TTYH3: variants seen among roughly 807,000 people sequenced by gnomAD.
TTYH3 encodes tweety family member 3.
Under a neutral mutation model 68.2 loss-of-function variants are expected in TTYH3, and 23 were observed. That is an observed-to-expected ratio of 0.34 (90% CI 0.24 to 0.48). TTYH3 has a LOEUF of 0.48. TTYH3 is among the 20% of genes least tolerant of loss of function. The pLI, the probability that TTYH3 is intolerant of heterozygous loss-of-function variation, is 0.99. For missense variants in TTYH3, 768 were observed against 727.7 expected (o/e 1.06, Z -0.64); for synonymous variants, 360 against 332.8 (o/e 1.08, Z -0.89).
chr7:2,648,513 AG>A (rs1188529013), intron 5 of TTYH3: 1 of 157,750 alleles, frequency 6.3e-6, no homozygotes, highest in African/African-American at 2.4e-5. Context: ...TGGAAGGCAG[AG>A]AGAGCGGCAG....
In TTYH3 at chr7:2,646,902, T is replaced by A; in HGVS notation, c.173T>A (p.Leu58His). The A allele has an allele frequency of 6.3e-7, 1 of 1,599,246 alleles. No individual in the cohort carries two copies. Among genetic ancestry groups the A allele is most frequent in the Non-Finnish European group, 8.5e-7 (1 of 1,179,360 alleles). Residue 58 changes from leucine to histidine, a missense_variant, in exon 2 of 14, where the codon CTC becomes CAC. Leu to His is a moderately conservative substitution (Grantham distance 99). Transcript: ENST00000258796. ...GCCCTGGCCTGCCTCGCCCTGGACC[T>A]CCTCTTCCTGCTCTTCTACTCCTTC... ...AAALACLALD[L>H]LFLLFYSFWL... is the part of the protein sequence containing the mutation.
intron 5 of TTYH3, chr7:2,648,353 G>A (rs1786059501): frequency 2.9e-6 from 1 of 349,104 alleles, no homozygotes; most frequent in Non-Finnish European, 5.2e-6. Flanking sequence ...CCGAGTGCCT[G>A]GGGCCACCCA....
rs1562712334 is a variant in TTYH3 at position 2,647,101 on chromosome 7, TG to T, written c.294-38del. On this transcript the variant is annotated intron_variant, in intron 2 of 13. Coordinates refer to ENST00000258796, the MANE Select transcript of TTYH3 (RefSeq NM_025250.3). ...GGGCGGGGCTGGAGTGGGGTGTGTG[TG>T]GGTGGGCGGGGCTACATCTCACGGG... is the stretch of plus-strand genomic sequence containing the variant. The T allele has an allele frequency of 2.4e-6, 3 of 1,274,762 alleles. No homozygotes were observed. The South Asian group carries it at 3.8e-5, about 16-fold the overall frequency. The allele number at this position is 1,274,762 out of a possible 1,614,324, so 79.0% of individuals were successfully genotyped here. A position where few individuals can be genotyped will look rare whatever the true frequency, so the allele number is the denominator to read the frequency against.
chr7:2,634,686 G>A (rs1205648261), intron 1 of TTYH3, among the ~76,000 whole-genome samples: 2 of 152,128 alleles, frequency 1.3e-5, no homozygotes, highest in African/African-American at 4.8e-5. Context: ...TGAAACCCCC[G>A]GAGGGACCAG....
At chr7:2,659,690 C>T (rs1353845844) in intron 13 of TTYH3, among the ~76,000 whole-genome samples, 1 of 152,176 alleles carries the variant, frequency 6.6e-6, no homozygotes, top group Non-Finnish European at 1.5e-5. Flanking sequence ...CCGAAGGCTG[C>T]CTTGCTCAGA....
At chr7:2,641,510 CCT>C (rs1246034199) in intron 1 of TTYH3, among the ~76,000 whole-genome samples, 2 of 152,172 alleles carry the variant, frequency 1.3e-5, no homozygotes, top group African/African-American at 4.8e-5. Context: ...GCAGTTGAGT[CCT>C]CTCCGTGTGC....
intron 5 of TTYH3, among the ~76,000 whole-genome samples, chr7:2,649,339 T>G (rs1192626673): frequency 6.6e-6 from 1 of 152,058 alleles, no homozygotes; most frequent in African/African-American, 2.4e-5. Flanking sequence ...GGCCCTCCAG[T>G]CCTGCTTCCA....
intron 1 of TTYH3, among the ~76,000 whole-genome samples, chr7:2,640,411 G>GA (rs1554328404): frequency 1.3e-5 from 2 of 151,968 alleles, no homozygotes; most frequent in Non-Finnish European, 2.9e-5. Flanking sequence ...TGTGGGGGGG[G>GA]ACGTGTGTTC....
chr7:2,639,294 G>C (rs776072831), intron 1 of TTYH3, among the ~76,000 whole-genome samples: 1 of 152,216 alleles, frequency 6.6e-6, no homozygotes, highest in Non-Finnish European at 1.5e-5. Context: ...CCTGCTGCCA[G>C]TGTATCTTCG....
intron 1 of TTYH3, among the ~76,000 whole-genome samples, chr7:2,634,667 G>A (rs1267521558): frequency 1.3e-5 from 2 of 152,066 alleles, no homozygotes; most frequent in Admixed American, 6.5e-5. Context: ...CTGCTGTTGG[G>A]AACCCTGGTG....
rs1008563156 is a variant in TTYH3, at chr7:2,660,050, C to T, written c.1500+1035C>T. ...TCCCTCAGAGCGACAGGTACTGACC[C>T]ACCGGTCCCCCATCCCGCACGGCCA... is the stretch of plus-strand genomic sequence containing the variant. On this transcript the variant is annotated intron_variant, in intron 13 of 13. Coordinates refer to ENST00000258796, the MANE Select transcript of TTYH3 (RefSeq NM_025250.3). The T allele has an allele frequency of 7.0e-6, 8 of 1,148,902 alleles. No homozygotes were observed. The African/African-American group carries it at 3.3e-4, about 47-fold the overall frequency. The allele number at this position is 1,148,902 out of a possible 1,614,324, so 71.2% of individuals were successfully genotyped here. A position where few individuals can be genotyped will look rare whatever the true frequency, so the allele number is the denominator to read the frequency against.
chr7:2,646,248 C>G (rs915161675), intron 1 of TTYH3, among the ~76,000 whole-genome samples: 2 of 152,218 alleles, frequency 1.3e-5, no homozygotes, highest in Admixed American at 6.5e-5. Context: ...CTCCTGACCT[C>G]AGGTGATCCG....
At chr7:2,637,585 C>G (rs1785713802) in intron 1 of TTYH3, among the ~76,000 whole-genome samples, 1 of 152,216 alleles carries the variant, frequency 6.6e-6, no homozygotes, top group African/African-American at 2.4e-5. Context: ...CTTCCCCCAC[C>G]TGCCCCACCG....
rs1205349861 is a variant in TTYH3 at position 2,632,289 on chromosome 7, C to T, written c.123+11C>T. 3.2e-6 allele frequency: 5 copies of T among 1,564,224 alleles called. No homozygotes were observed. Among genetic ancestry groups the T allele is most frequent in the African/African-American group, 2.7e-5 (2 of 73,576 alleles). On this transcript the variant is annotated intron_variant, in intron 1 of 13. Transcript: ENST00000258796. ...ACCGACTACCAGCAGGTGACATGGG[C>T]CTCTCGGGGTCGCGGGGTCAGGGAC... is the stretch of plus-strand genomic sequence containing the variant.
intron 1 of TTYH3, among the ~76,000 whole-genome samples, chr7:2,644,436 C>G (rs62439524): frequency 0.26 from 39,415 of 152,154 alleles, 5,329 homozygotes; most frequent in East Asian, 0.5. Context: ...AGTGACTGGA[C>G]TGTCTCCGCC....
intron 1 of TTYH3, among the ~76,000 whole-genome samples, chr7:2,635,429 C>T (rs576165305): frequency 2.0e-5 from 3 of 152,334 alleles, no homozygotes; most frequent in South Asian, 2.1e-4. Flanking sequence ...TTTGTGACCC[C>T]GTGTCCTCAG....
At chr7:2,643,968 AGGGTCGG>A (rs1253157713) in intron 1 of TTYH3, among the ~76,000 whole-genome samples, 2 of 152,136 alleles carry the variant, frequency 1.3e-5, no homozygotes, top group Non-Finnish European at 2.9e-5. Context: ...ACCGGAGCAC[AGGGTCGG>A]GGGAGCGAGG....
At chr7:2,635,167 C>A (rs1785624919) in intron 1 of TTYH3, among the ~76,000 whole-genome samples, 1 of 152,160 alleles carries the variant, frequency 6.6e-6, no homozygotes, top group South Asian at 2.1e-4. Context: ...GCTGAGCTGG[C>A]AGGGCTGGGC....
intron 13 of TTYH3, chr7:2,660,382 C>G: frequency 1.0e-6 from 1 of 985,430 alleles, no homozygotes; most frequent in Non-Finnish European, 1.2e-6. Context: ...TGCCCGGGCC[C>G]CTGGGCATGT....
Sources: gnomAD v4.1 joint callset for allele counts (sites outside exome capture counted in the v4.1 genomes callset) on GRCh38, gnomAD v4.1.1 for gene constraint, MANE v1.5 for transcripts, NCBI Gene and HGNC (gene_info 2026-07-23, HGNC 2026-07-21) for gene names.